Variants in HERC5 observed in about 807,000 individuals in gnomAD.
The protein encoded by HERC5 is E3 ISG15--protein ligase HERC5.
Under a neutral mutation model 119.6 loss-of-function variants are expected in HERC5, and 99 were observed. The observed-to-expected ratio is 0.83, with a 90% CI of 0.70 to 0.98. The LOEUF is 0.98. Ranked by LOEUF, HERC5 falls within the 50% of genes least tolerant of loss-of-function variation. The pLI is 0.00. For missense variants in HERC5, 1,267 were observed against 1,241.3 expected, an observed-to-expected ratio of 1.02 and a Z score of -0.31; for synonymous variants, 478 against 445.9, an observed-to-expected ratio of 1.07 and a Z score of -0.91.
chr4:88,459,817 C>T (rs1023641374), intron 2 of HERC5, among the ~76,000 whole-genome samples: 1 of 151,928 alleles, frequency 6.6e-6, no homozygotes, highest in Non-Finnish European at 1.5e-5. Context: ...GAGACTTTTC[C>T]CTAGTAGATT....
At chr4:88,488,732 A>T in intron 15 of HERC5, among the ~76,000 whole-genome samples, 1 of 149,854 alleles carries the variant, frequency 6.7e-6, no homozygotes, top group Non-Finnish European at 1.5e-5. Flanking sequence ...CATAACCTGG[A>T]TTTTTTTTCC....
At chr4:88,488,035 A>G (rs1445414527) in intron 15 of HERC5, among the ~76,000 whole-genome samples, 2 of 152,164 alleles carry the variant, frequency 1.3e-5, no homozygotes, top group Admixed American at 1.3e-4. Context: ...AAAATGGGAA[A>G]TTGATTTATG....
At chr4:88,463,302 G>C (rs1740515966) in intron 4 of HERC5, among the ~76,000 whole-genome samples, 1 of 152,194 alleles carries the variant, frequency 6.6e-6, no homozygotes, top group African/African-American at 2.4e-5. Context: ...TTTGGGAAGT[G>C]GTTTGACCCT....
chr4:88,491,703 A>G (rs1487277193), intron 16 of HERC5, among the ~76,000 whole-genome samples: 3 of 152,102 alleles, frequency 2.0e-5, no homozygotes, highest in East Asian at 1.9e-4. Flanking sequence ...AAGTTGGCGT[A>G]TATCTCTGAA....
At chr4:88,466,984 C>T in intron 6 of HERC5, 75 bp from the exon 7 acceptor site, 2 of 1,450,554 alleles carry the variant, frequency 1.4e-6, no homozygotes, top group African/African-American at 1.4e-5. Flanking sequence ...ATAGTTTTGG[C>T]AATTTACTGT....
At chr4:88,467,321 T>C (rs956557663) in intron 7 of HERC5, 117 bp downstream of exon 7, 1 of 1,031,194 alleles carries the variant, frequency 9.7e-7, no homozygotes, top group Non-Finnish European at 1.4e-6. Flanking sequence ...TTTCTCTAAA[T>C]ACTGGTTTCA....
At chr4:88,477,438 A>G (rs1240252505) in intron 12 of HERC5, among the ~76,000 whole-genome samples, 2 of 54,558 alleles carry the variant, frequency 3.7e-5, no homozygotes, top group African/African-American at 1.8e-4. Context: ...AGGGAAAGGG[A>G]CGGGGAGGGG....
rs779777033 is a variant in HERC5, at chr4:88,469,138, C to G, written c.1135-19C>G. Reference sequence around the variant, plus strand: ...GATGTGTCTAAATTATTGTATTTTACTTTCCTGTTTGTTTACAGAATTCAT... The same window carrying G: ...GATGTGTCTAAATTATTGTATTTTAGTTTCCTGTTTGTTTACAGAATTCAT... On this transcript the variant is annotated intron_variant, in intron 8 of 22. Transcript: ENST00000264350. 1.5e-5 allele frequency: 23 copies of G among 1,536,042 alleles called. No homozygotes were observed. The highest frequency in any genetic ancestry group is 2.1e-5 in the Non-Finnish European group (23 of 1,110,714).
intron 8 of HERC5, among the ~76,000 whole-genome samples, chr4:88,468,840 C>G (rs970954395): frequency 1.3e-5 from 2 of 152,204 alleles, no homozygotes; most frequent in Non-Finnish European, 2.9e-5. Flanking sequence ...CCTCACACTT[C>G]TGCACACAGC....
At chr4:88,468,239 A>G in intron 7 of HERC5, 107 bp from the exon 8 acceptor site, 1 of 782,124 alleles carries the variant, frequency 1.3e-6, no homozygotes, top group Non-Finnish European at 2.1e-6. Context: ...GTCTATTAAG[A>G]AGAAAAGATG....
rs764084976 is a variant in HERC5 at position 88,475,117 on chromosome 4, CTT to C, written c.1393-709_1393-708del. On this transcript the variant is annotated intron_variant, in intron 11 of 22. Transcript: ENST00000264350. ...TGTTCTTGAAATTTTCGGATTTTGT[CTT>C]TTTTTTTTTTTTTTGCTTTGTTTTG... Among the ~76,000 whole-genome samples, 562 of 109,900 alleles carry C rather than the reference CTT, an allele frequency of 5.1e-3. 2 individuals are homozygous for C. Among genetic ancestry groups the C allele is most frequent in the African/African-American group, 0.017 (503 of 30,142 alleles). The allele number at this position is 109,900 out of a possible 152,430, so 72.1% of individuals were successfully genotyped here. A position where few individuals can be genotyped will look rare whatever the true frequency, so the allele number is the denominator to read the frequency against.
At chr4:88,458,797 G>A (rs1369474232) in intron 1 of HERC5, among the ~76,000 whole-genome samples, 1 of 152,028 alleles carries the variant, frequency 6.6e-6, no homozygotes, top group Non-Finnish European at 1.5e-5. Flanking sequence ...GGCCAAATGT[G>A]CACTAATGCC....
chr4:88,501,384 C>G (rs1741942266), intron 20 of HERC5, among the ~76,000 whole-genome samples: 1 of 152,190 alleles, frequency 6.6e-6, no homozygotes. Context: ...GCTGTATATT[C>G]AGTACCTAGA....
chr4:88,492,971 A>G, intron 16 of HERC5, 41 bp from the exon 17 acceptor site: 1 of 1,600,582 alleles, frequency 6.2e-7, no homozygotes, highest in Non-Finnish European at 8.5e-7. Flanking sequence ...ATAGCAATAT[A>G]GAGCCCTGGA....
chr4:88,504,498 G>A lies in HERC5; in HGVS notation c.2770G>A (p.Ala924Thr). The A allele has an allele frequency of 6.4e-7, 1 of 1,574,228 alleles. No homozygotes were observed. Among genetic ancestry groups the A allele is most frequent in the Non-Finnish European group, 8.6e-7 (1 of 1,159,578 alleles). The change falls in exon 22 of 23, where the codon GCA becomes ACA. Residue 924 changes from alanine to threonine, a missense_variant. Ala to Thr is a moderately conservative substitution (Grantham distance 58, BLOSUM62 0). Around this residue, in one of 3 missense-constraint regions of HERC5, gnomAD observed 473 missense variants for 445.7 expected, o/e 1.06. Coordinates refer to ENST00000264350, the MANE Select transcript of HERC5 (RefSeq NM_016323.4). The stretch of plus-strand genomic sequence containing the variant: ...CTTTTTTTTGTATTTTCTCTAGAAT[G>A]CACGTTATGAACCAGGATATAACAG... ...DYDWKTFEKN[A>T]RYEPGYNSSH...
chr4:88,482,697 G>T (rs1290624798), intron 13 of HERC5, among the ~76,000 whole-genome samples: 3 of 152,188 alleles, frequency 2.0e-5, no homozygotes, highest in African/African-American at 7.2e-5. Context: ...TATTCTGGGG[G>T]AAGAGGCTTG....
chr4:88,463,104 C>T (rs1456025606), intron 4 of HERC5, among the ~76,000 whole-genome samples: 1 of 152,156 alleles, frequency 6.6e-6, no homozygotes, highest in Non-Finnish European at 1.5e-5. Flanking sequence ...ACTACTTTGG[C>T]TGAATCTCTG....
chr4:88,479,653 A>G (rs1741208564), intron 13 of HERC5, 146 bp downstream of exon 13: 1 of 468,064 alleles, frequency 2.1e-6, no homozygotes, highest in Non-Finnish European at 3.6e-6. Flanking sequence ...AAATTACATC[A>G]TACATATAAA....
In HERC5 at chr4:88,472,440, G is replaced by T; in HGVS notation, c.1330G>T (p.Asp444Tyr). 1 of 1,598,004 alleles carries T rather than the reference G, an allele frequency of 6.3e-7. No homozygotes were observed. The highest frequency in any genetic ancestry group is 1.1e-5 in the South Asian group (1 of 89,334). Residue 444 changes from aspartate (D) to tyrosine (Y), a missense_variant, in exon 11 of 23, where the codon GAC (aspartate) becomes TAC (tyrosine). Transcript: ENST00000264350. ...TACAGAAATGATGCCTGTTTATTTG[G>T]ACTTAAATAAAGCAAGAAACATCTT... Reference protein sequence around the residue: ...RTTEMMPVYLDLNKARNIFKE... With the variant: ...RTTEMMPVYLYLNKARNIFKE...
Sources: allele counts gnomAD v4.1 joint callset (sites outside exome capture counted in the v4.1 genomes callset), GRCh38; gene constraint gnomAD v4.1.1; regional missense constraint gnomAD v4.1.1; transcripts MANE v1.5; gene names NCBI Gene and HGNC (gene_info 2026-07-23, HGNC 2026-07-21).